IL12RB2: variants seen among roughly 807,000 people sequenced by gnomAD.
The protein encoded by IL12RB2 is interleukin-12 receptor subunit beta-2.
IL12RB2 carries 82 observed loss-of-function variants against 89.4 expected under a neutral mutation model. The observed-to-expected ratio is 0.92, with a 90% CI of 0.77 to 1.10. The LOEUF (loss-of-function observed/expected upper bound fraction) is 1.10, where lower values mean the gene tolerates loss of function less well. Among genes scored for constraint, IL12RB2 ranks in the 50% least tolerant of loss-of-function variants. IL12RB2 has a pLI of 0.00. For missense variants in IL12RB2, 963 were observed against 1,031.9 expected (o/e 0.93, Z 0.92); for synonymous variants, 368 against 370.1 (o/e 0.99, Z 0.07).
At chr1:67,395,161 G>A (rs762768618) in intron 16 of IL12RB2, among the ~76,000 whole-genome samples, 30 of 152,050 alleles carry the variant, frequency 2.0e-4, no homozygotes, top group Admixed American at 5.9e-4. Context: ...CCAGCCACTC[G>A]GGAGGCTGAG....
At chr1:67,352,980 A>G (rs1020626791) in intron 10 of IL12RB2, among the ~76,000 whole-genome samples, 1 of 152,226 alleles carries the variant, frequency 6.6e-6, no homozygotes, top group Non-Finnish European at 1.5e-5. Flanking sequence ...GTATCTTTTG[A>G]CCAGGTAATT....
At chr1:67,337,202 G>A (rs1211094649) in intron 8 of IL12RB2, among the ~76,000 whole-genome samples, 2 of 152,084 alleles carry the variant, frequency 1.3e-5, no homozygotes, top group African/African-American at 4.8e-5. Flanking sequence ...TGTTATCCAG[G>A]TGGTGGGACT....
intron 1 of IL12RB2, among the ~76,000 whole-genome samples, chr1:67,309,019 TAAA>T (rs1654664370): frequency 6.6e-6 from 1 of 150,656 alleles, no homozygotes. Flanking sequence ...GACTCTGTCT[TAAA>T]AATAAATACA....
intron 9 of IL12RB2, among the ~76,000 whole-genome samples, chr1:67,349,772 C>T (rs1660624339): frequency 6.6e-6 from 1 of 152,134 alleles, no homozygotes; most frequent in South Asian, 2.1e-4. Context: ...AGCTGTGGGG[C>T]CAACCAGAAG....
chr1:67,376,068 A>C (rs1663951395), intron 13 of IL12RB2, among the ~76,000 whole-genome samples: 1 of 151,776 alleles, frequency 6.6e-6, no homozygotes, highest in Non-Finnish European at 1.5e-5. Context: ...GGATGGTCTC[A>C]ATCTCCTGAC....
intron 9 of IL12RB2, among the ~76,000 whole-genome samples, chr1:67,339,686 A>C (rs148943213): frequency 1.6e-4 from 25 of 152,294 alleles, no homozygotes; most frequent in African/African-American, 5.8e-4. Context: ...CCCCTGAGGT[A>C]AGTACTGGTA....
At chr1:67,321,543 T>C in intron 3 of IL12RB2, 59 bp from the exon 4 acceptor site, 1 of 1,118,266 alleles carries the variant, frequency 8.9e-7, no homozygotes. Flanking sequence ...ACATAAACTC[T>C]TCATTTTGAA....
At chr1:67,311,131 T>C (rs1654999801) in intron 1 of IL12RB2, among the ~76,000 whole-genome samples, 2 of 152,192 alleles carry the variant, frequency 1.3e-5, no homozygotes. Flanking sequence ...AAGACTTAGG[T>C]GTCCTGGGCG....
At position 67,329,621 on chromosome 1, in the gene IL12RB2, A is replaced by G. The variant is rs1316781403; in HGVS notation, c.699A>G (p.Lys233=). ...TTCCTCCGTGGGACATTAGAATCAA[A>G]TTTCAAAAGGCTTCTGTGAGCAGAT... ...RPLPPWDIRI[K]FQKASVSRCT... is the part of the protein sequence containing the mutation. The change falls in exon 7 of 17, where the codon AAA becomes AAG. Residue 233 remains lysine, a synonymous_variant. Transcript: ENST00000674203. 1 of 1,587,888 alleles carries G rather than the reference A, an allele frequency of 6.3e-7. No individual in the cohort carries two copies. Among genetic ancestry groups the G allele is most frequent in the South Asian group, 1.1e-5 (1 of 90,568 alleles).
chr1:67,312,780 G>A (rs951145203), intron 1 of IL12RB2, among the ~76,000 whole-genome samples: 1 of 149,080 alleles, frequency 6.7e-6, no homozygotes, highest in African/African-American at 2.5e-5. Context: ...AGAAAAGAAA[G>A]TTCCTGTACT....
Position 67,386,569 on chromosome 1 carries a change from A to C in IL12RB2, c.1856-10A>C, listed in dbSNP as rs746081219. 2 of 1,599,422 alleles carry C rather than the reference A, an allele frequency of 1.3e-6. No individual in the cohort carries two copies. The highest frequency in any genetic ancestry group is 2.2e-5 in the South Asian group (2 of 90,786). ...AACTCACTCAGTCACAGGATTTCCT[A>C]ACTTTTCAGGTAAAGCCAATTGGAT... On this transcript the variant is annotated splice_polypyrimidine_tract_variant and intron_variant, in intron 14 of 16. Coordinates refer to ENST00000674203, the MANE Select transcript of IL12RB2 (RefSeq NM_001374259.2).
At chr1:67,393,279 T>A (rs1557484034) in intron 16 of IL12RB2, among the ~76,000 whole-genome samples, 1 of 152,208 alleles carries the variant, frequency 6.6e-6, no homozygotes, top group Non-Finnish European at 1.5e-5. Context: ...AGGGGATTGC[T>A]GGAGTGTTAT....
At chr1:67,313,880 GT>G (rs17129747) in intron 1 of IL12RB2, 32 bp from the exon 2 acceptor site, 7,649 of 152,208 alleles carry the variant, frequency 0.05, 204 homozygotes, top group Admixed American at 0.071. Flanking sequence ...TGCTATTAAT[GT>G]GAACTTGAGC....
Position 67,367,738 on chromosome 1 carries a change from G to A in IL12RB2, c.1259-87G>A, listed in dbSNP as rs924185501. The stretch of plus-strand genomic sequence containing the variant: ...AGATTCTTCCTAAAACTTTTTCGTT[G>A]GGATAAGCTGTTTGGCTTTTTTTGT... On this transcript the variant is annotated intron_variant, in intron 10 of 16. Coordinates refer to ENST00000674203, the MANE Select transcript of IL12RB2 (RefSeq NM_001374259.2). The A allele has an allele frequency of 6.2e-6, 5 of 809,694 alleles. No individual in the cohort carries two copies. In the African/African-American group the frequency reaches 6.8e-5, roughly 11 times the overall value. The allele number at this position is 809,694 out of a possible 1,614,324, so 50.2% of individuals were successfully genotyped here.
rs146449224 is a variant in IL12RB2, at chr1:67,397,770, C to T, written c.*1681C>T. 2.6e-5 allele frequency among the ~76,000 whole-genome samples: 4 copies of T among 150,986 alleles called. No homozygotes were observed. The highest frequency in any genetic ancestry group is 4.4e-5 in the Non-Finnish European group (3 of 68,036). On this transcript the variant is annotated 3_prime_UTR_variant, in exon 17 of 17. Coordinates refer to ENST00000674203, the MANE Select transcript of IL12RB2 (RefSeq NM_001374259.2). ...TTCCTGTCAAGCCTGGGGTCCACCC[C>T]GTACCCCTTCCCACATGAACGCTGG... is the stretch of plus-strand genomic sequence containing the variant.
At chr1:67,366,343 C>T (rs944316351) in intron 10 of IL12RB2, among the ~76,000 whole-genome samples, 6 of 148,826 alleles carry the variant, frequency 4.0e-5, no homozygotes, top group Non-Finnish European at 7.4e-5. Flanking sequence ...CCCAGCTACT[C>T]GGGAGGCTGA....
chr1:67,318,991 G>T (rs1364898307), intron 2 of IL12RB2, among the ~76,000 whole-genome samples: 1 of 152,186 alleles, frequency 6.6e-6, no homozygotes, highest in Non-Finnish European at 1.5e-5. Context: ...ATTATTTAGG[G>T]TTTTCCTGAA....
At chr1:67,393,764 T>C (rs772400155) in intron 16 of IL12RB2, among the ~76,000 whole-genome samples, 2 of 152,150 alleles carry the variant, frequency 1.3e-5, no homozygotes, top group Admixed American at 6.5e-5. Context: ...CAACTTGTCA[T>C]TGGACAAATG....
chr1:67,335,923 A>ATTTTTC (rs1558312716), intron 8 of IL12RB2, among the ~76,000 whole-genome samples: 6 of 152,262 alleles, frequency 3.9e-5, no homozygotes, highest in African/African-American at 1.4e-4. Context: ...TGAAAAGAAT[A>ATTTTTC]TAATTCTAGA....
Sources: allele counts gnomAD v4.1 joint callset (sites outside exome capture counted in the v4.1 genomes callset), GRCh38; gene constraint gnomAD v4.1.1; transcripts MANE v1.5; gene names NCBI Gene and HGNC (gene_info 2026-07-23, HGNC 2026-07-21).